Variants in KCNH5 observed in about 807,000 individuals in gnomAD.
KCNH5 encodes the protein voltage-gated delayed rectifier potassium channel KCNH5.
A neutral mutation model predicts 96.1 loss-of-function variants in KCNH5; 46 were observed. The observed-to-expected ratio is 0.48, with a 90% CI of 0.38 to 0.61. The LOEUF is 0.61. Ranked by LOEUF, KCNH5 falls within the 20% of genes least tolerant of loss-of-function variation. The pLI is 0.00. For missense variants in KCNH5, 907 were observed against 1,225.8 expected, an observed-to-expected ratio of 0.74 and a Z score of 3.88; for synonymous variants, 439 against 449.8, an observed-to-expected ratio of 0.98 and a Z score of 0.30.
At chr14:62,840,557 CT>C (rs1165731381) in intron 8 of KCNH5, among the ~76,000 whole-genome samples, 4 of 108,728 alleles carry the variant, frequency 3.7e-5, no homozygotes, top group East Asian at 3.4e-4. Context: ...TTTCTTTTTT[CT>C]TTTTTTTCTT....
At position 62,944,787 on chromosome 14, in the gene KCNH5, G is replaced by T. The variant is rs148254829; in HGVS notation, c.1369+5346C>A. Among the ~76,000 whole-genome samples, 49 of 152,208 alleles carry T rather than the reference G, an allele frequency of 3.2e-4. No individual in the cohort carries two copies. The East Asian group carries it at 8.7e-3, about 27-fold the overall frequency. ...CCCATGAAATTACCAAGGACCCAAG[G>T]ACTAAAAGGGAAATTTAAAGGTATC... On this transcript the variant is annotated intron_variant, in intron 7 of 10. Coordinates refer to ENST00000322893, the MANE Select transcript of KCNH5 (RefSeq NM_139318.5).
chr14:63,024,566 C>CA (rs1027890201), intron 1 of KCNH5, among the ~76,000 whole-genome samples: 1 of 151,636 alleles, frequency 6.6e-6, no homozygotes, highest in African/African-American at 2.4e-5. Context: ...AGAGAAGACT[C>CA]AAAAAAATCA....
At chr14:62,763,586 C>T (rs564248265) in intron 10 of KCNH5, among the ~76,000 whole-genome samples, 5 of 152,082 alleles carry the variant, frequency 3.3e-5, no homozygotes, top group African/African-American at 9.6e-5. Context: ...GAAAGATCAA[C>T]AAACCAAAAG....
At chr14:62,988,379 C>CA (rs200708842) in intron 4 of KCNH5, among the ~76,000 whole-genome samples, 35 of 147,934 alleles carry the variant, frequency 2.4e-4, no homozygotes, top group East Asian at 3.9e-4. Flanking sequence ...GATGATATGA[C>CA]AAAAAAAAAA....
chr14:62,973,318 T>C (rs1318790682), intron 6 of KCNH5, among the ~76,000 whole-genome samples: 2 of 152,086 alleles, frequency 1.3e-5, no homozygotes, highest in African/African-American at 2.4e-5. Flanking sequence ...CCAAGAAGGA[T>C]TGGGTAGCGC....
chr14:62,978,346 A>G (rs553959740), intron 6 of KCNH5, among the ~76,000 whole-genome samples: 1 of 152,310 alleles, frequency 6.6e-6, no homozygotes, highest in Admixed American at 6.5e-5. Flanking sequence ...CGTGTTGATG[A>G]AAGGAGATTT....
chr14:62,845,099 T>C (rs1299270213), intron 8 of KCNH5, among the ~76,000 whole-genome samples: 1 of 152,052 alleles, frequency 6.6e-6, no homozygotes, highest in East Asian at 1.9e-4. Flanking sequence ...TTAAATTTGA[T>C]AACCTCTATT....
At chr14:62,828,189 C>A (rs1033640375) in intron 8 of KCNH5, among the ~76,000 whole-genome samples, 1 of 151,268 alleles carries the variant, frequency 6.6e-6, no homozygotes, top group Non-Finnish European at 1.5e-5. Flanking sequence ...ATTTTAAATT[C>A]CTTGTTTTTC....
intron 6 of KCNH5, among the ~76,000 whole-genome samples, chr14:62,976,225 C>G (rs762312144): frequency 4.0e-5 from 6 of 151,560 alleles, no homozygotes; most frequent in Non-Finnish European, 8.8e-5. Flanking sequence ...ATGGTGAAAC[C>G]CTGTCTCTAC....
intron 7 of KCNH5, among the ~76,000 whole-genome samples, chr14:62,866,970 T>G (rs8007018): frequency 0.049 from 7,529 of 152,230 alleles, 619 homozygotes; most frequent in African/African-American, 0.17. Context: ...CAACTCAGTA[T>G]TTTAACAGTA....
At chr14:62,821,450 T>G (rs1008599089) in intron 8 of KCNH5, among the ~76,000 whole-genome samples, 1 of 152,120 alleles carries the variant, frequency 6.6e-6, no homozygotes, top group Non-Finnish European at 1.5e-5. Flanking sequence ...GGGAAATATA[T>G]TTTTTTAACT....
At chr14:62,893,791 G>A (rs1888757305) in intron 7 of KCNH5, among the ~76,000 whole-genome samples, 1 of 152,186 alleles carries the variant, frequency 6.6e-6, no homozygotes, top group African/African-American at 2.4e-5. Flanking sequence ...TCAAGCAGCA[G>A]CAGGATTTGA....
At chr14:62,950,989 T>G (rs1276309492) in intron 6 of KCNH5, among the ~76,000 whole-genome samples, 3 of 152,232 alleles carry the variant, frequency 2.0e-5, no homozygotes, top group Non-Finnish European at 4.4e-5. Context: ...TCTTATTTTA[T>G]GATAGCTACA....
At chr14:63,032,821 G>A (rs1427869642) in intron 1 of KCNH5, among the ~76,000 whole-genome samples, 1 of 152,028 alleles carries the variant, frequency 6.6e-6, no homozygotes, top group South Asian at 2.1e-4. Context: ...TTTCTTCAAG[G>A]GAATGAAAAG....
At chr14:62,843,502 C>G (rs545259363) in intron 8 of KCNH5, among the ~76,000 whole-genome samples, 4 of 151,192 alleles carry the variant, frequency 2.6e-5, no homozygotes, top group Middle Eastern at 3.4e-3. Context: ...GCCTCCTCCT[C>G]CCGGGTTCAA....
At chr14:62,923,056 CTT>C (rs1255790603) in intron 7 of KCNH5, among the ~76,000 whole-genome samples, 1 of 151,760 alleles carries the variant, frequency 6.6e-6, no homozygotes, top group African/African-American at 2.4e-5. Flanking sequence ...AAACATATAT[CTT>C]ATATATAGAA....
intron 6 of KCNH5, among the ~76,000 whole-genome samples, chr14:62,980,303 CTA>C (rs2139567586): frequency 6.6e-6 from 1 of 152,220 alleles, no homozygotes; most frequent in African/African-American, 2.4e-5. Context: ...AAAGCAAAAG[CTA>C]TGAGGAAGAA....
chr14:62,743,067 T>C (rs1356785742), intron 10 of KCNH5, among the ~76,000 whole-genome samples: 4 of 152,192 alleles, frequency 2.6e-5, no homozygotes, highest in Admixed American at 2.6e-4. Flanking sequence ...CAACTACAAG[T>C]GAGTTTTCCC....
intron 6 of KCNH5, among the ~76,000 whole-genome samples, chr14:62,952,655 C>T (rs1017687851): frequency 7.2e-5 from 11 of 152,128 alleles, no homozygotes; most frequent in African/African-American, 2.4e-4. Context: ...TACCTGAATT[C>T]TTTTCTCTGA....
Sources: gnomAD v4.1 joint callset for allele counts (sites outside exome capture counted in the v4.1 genomes callset) on GRCh38, gnomAD v4.1.1 for gene constraint, MANE v1.5 for transcripts, NCBI Gene and HGNC (gene_info 2026-07-23, HGNC 2026-07-21) for gene names.